Variants in TRABD2B observed in about 807,000 individuals in gnomAD.
TRABD2B encodes TraB domain containing 2B.
Under a neutral mutation model 40.1 loss-of-function variants are expected in TRABD2B, and 14 were observed. That is an observed-to-expected ratio of 0.35 (90% CI 0.23 to 0.55). The LOEUF is 0.55. Among genes scored for constraint, TRABD2B ranks in the 20% least tolerant of loss-of-function variants. The probability of loss-of-function intolerance (pLI) is 0.90; values close to 1 mark genes in which losing one functional copy is unlikely to be tolerated. For missense variants in TRABD2B, 541 were observed against 648.6 expected (o/e 0.83, Z 1.80); for synonymous variants, 263 against 277.0 (o/e 0.95, Z 0.50).
intron 2 of TRABD2B, among the ~76,000 whole-genome samples, chr1:47,866,902 C>T (rs916584026): frequency 6.6e-6 from 1 of 152,192 alleles, no homozygotes; most frequent in Non-Finnish European, 1.5e-5. Flanking sequence ...TTCAAAGGCC[C>T]AGATTTGATT....
At chr1:47,967,555 G>A (rs1195118624) in intron 2 of TRABD2B, among the ~76,000 whole-genome samples, 1 of 152,128 alleles carries the variant, frequency 6.6e-6, no homozygotes, top group Non-Finnish European at 1.5e-5. Flanking sequence ...CTGGTTCTCT[G>A]GCTTTCTAGC....
At position 47,765,264 on chromosome 1, in the gene TRABD2B, C is replaced by T. The variant is rs1222557691; in HGVS notation, c.*638G>A. On this transcript the variant is annotated 3_prime_UTR_variant, in exon 7 of 7. Transcript: ENST00000606738. ...CCAGTATCCCACCTCCCACCCCACC[C>T]CAGCGCTTTGGTTGAAAACACTTAC... is the stretch of plus-strand genomic sequence containing the variant. The T allele has an allele frequency of 6.6e-6, 1 of 152,566 alleles. No homozygotes were observed. Among genetic ancestry groups the T allele is most frequent in the Non-Finnish European group, 1.5e-5 (1 of 68,320 alleles). The allele number at this position is 152,566 out of a possible 1,614,324, so 9.5% of individuals were successfully genotyped here.
rs1004041602 is a variant in TRABD2B at position 47,764,869 on chromosome 1, T to TG, written c.*1032dup. On this transcript the variant is annotated 3_prime_UTR_variant, in exon 7 of 7. Coordinates refer to ENST00000606738, the MANE Select transcript of TRABD2B (RefSeq NM_001194986.2). Reference sequence around the variant, plus strand: ...GGGCTCAGTTTCCTCATCTGTGAAATGGGGATAGTCACATCTCACAGAACT... The same window carrying TG: ...GGGCTCAGTTTCCTCATCTGTGAAATGGGGGATAGTCACATCTCACAGAACT... 2.0e-5 allele frequency: 3 copies of TG among 152,164 alleles called. No individual in the cohort carries two copies. Among genetic ancestry groups the TG allele is most frequent in the African/African-American group, 7.2e-5 (3 of 41,416 alleles). The allele number at this position is 152,164 out of a possible 1,614,324, so 9.4% of individuals were successfully genotyped here. A position where few individuals can be genotyped will look rare whatever the true frequency, so the allele number is the denominator to read the frequency against.
At chr1:47,834,476 C>T (rs1244827235) in intron 2 of TRABD2B, among the ~76,000 whole-genome samples, 1 of 152,114 alleles carries the variant, frequency 6.6e-6, no homozygotes, top group African/African-American at 2.4e-5. Context: ...AAGCTCTCAC[C>T]TCTGCTAACC....
intron 2 of TRABD2B, among the ~76,000 whole-genome samples, chr1:47,961,868 T>C (rs1409107371): frequency 1.3e-5 from 2 of 152,224 alleles, no homozygotes; most frequent in Non-Finnish European, 2.9e-5. Context: ...ACTGGGTATA[T>C]ACCCAAAGGA....
chr1:47,784,917 G>A (rs923263773), intron 4 of TRABD2B, among the ~76,000 whole-genome samples: 1 of 152,214 alleles, frequency 6.6e-6, no homozygotes, highest in Admixed American at 6.5e-5. Context: ...TGGAGAGGGG[G>A]AGATGGGCAG....
intron 2 of TRABD2B, among the ~76,000 whole-genome samples, chr1:47,989,749 A>AAC (rs141660023): frequency 0.25 from 36,839 of 148,986 alleles, 4,470 homozygotes; most frequent in East Asian, 0.27. Context: ...CCACCATTCC[A>AAC]ACACACACAC....
chr1:47,869,903 G>C (rs2124586633), intron 2 of TRABD2B, among the ~76,000 whole-genome samples: 1 of 152,270 alleles, frequency 6.6e-6, no homozygotes, highest in South Asian at 2.1e-4. Context: ...GAGGGTGGTG[G>C]AGGGGGAGAT....
At chr1:47,906,952 G>C (rs1644686900) in intron 2 of TRABD2B, among the ~76,000 whole-genome samples, 2 of 152,238 alleles carry the variant, frequency 1.3e-5, no homozygotes, top group Non-Finnish European at 2.9e-5. Flanking sequence ...TGCCTGCCCA[G>C]TTTCAGCCCC....
In TRABD2B at chr1:47,786,456, G is replaced by C. The variant is rs149321907; in HGVS notation, c.989-7912C>G. Among the ~76,000 whole-genome samples the C allele has an allele frequency of 7.9e-5, 12 of 152,354 alleles. No homozygotes were observed. In the East Asian group the frequency reaches 2.3e-3, roughly 29 times the overall value. On this transcript the variant is annotated intron_variant, in intron 4 of 6. Transcript: ENST00000606738. ...GCTCCAGCTAGGGACAAGCCAGGAG[G>C]GGATGTTCCTCTGGCTGGCTGGATG...
chr1:47,974,324 G>A (rs1222504003), intron 2 of TRABD2B, among the ~76,000 whole-genome samples: 3 of 151,982 alleles, frequency 2.0e-5, no homozygotes, highest in Non-Finnish European at 4.4e-5. Context: ...CTTGGCACGT[G>A]CTGTTCCTTC....
In TRABD2B at chr1:47,850,041, G is replaced by A. The variant is rs567327301; in HGVS notation, c.667-48422C>T. ...TCAAATTCCCCTGCCTTGGGTCTTC[G>A]AGCTACTTGTTTATACAAAAGAAAA... On this transcript the variant is annotated intron_variant, in intron 2 of 6. Coordinates refer to ENST00000606738, the MANE Select transcript of TRABD2B (RefSeq NM_001194986.2). Among the ~76,000 whole-genome samples the A allele has an allele frequency of 3.3e-4, 51 of 152,290 alleles. 1 individual carries two copies. The South Asian group carries it at 0.01, about 30-fold the overall frequency.
At chr1:47,942,873 G>A (rs1208948715) in intron 2 of TRABD2B, among the ~76,000 whole-genome samples, 1 of 152,228 alleles carries the variant, frequency 6.6e-6, no homozygotes, top group East Asian at 1.9e-4. Flanking sequence ...GGCTGGCAAT[G>A]TGAGAGCTCA....
intron 2 of TRABD2B, among the ~76,000 whole-genome samples, chr1:47,843,954 C>G (rs980274940): frequency 2.0e-5 from 3 of 152,126 alleles, no homozygotes; most frequent in African/African-American, 7.2e-5. Flanking sequence ...CGATGGGCAC[C>G]CAGCCCCAGG....
Position 47,765,778 on chromosome 1 carries a change from G to A in TRABD2B, c.*124C>T. 5 of 699,620 alleles carry A rather than the reference G, an allele frequency of 7.1e-6. No individual in the cohort carries two copies. The highest frequency in any genetic ancestry group is 1.3e-5 in the Non-Finnish European group (5 of 383,940). 43.3% of individuals were successfully genotyped at this position (699,620 alleles called of 1,614,324 possible). A position where few individuals can be genotyped will look rare whatever the true frequency, so the allele number is the denominator to read the frequency against. ...GTACAGTAAAGCTCTAGAGTGTCTA[G>A]CCAATCCCATGTGGACTGCCCTCGA... is the stretch of plus-strand genomic sequence containing the variant. On this transcript the variant is annotated 3_prime_UTR_variant, in exon 7 of 7. Transcript: ENST00000606738.
At chr1:47,798,934 G>C (rs1462831379) in intron 3 of TRABD2B, among the ~76,000 whole-genome samples, 2 of 152,186 alleles carry the variant, frequency 1.3e-5, no homozygotes, top group African/African-American at 4.8e-5. Context: ...GGGTTGCCTA[G>C]CCCCTCCTCA....
intron 2 of TRABD2B, among the ~76,000 whole-genome samples, chr1:47,916,538 C>T (rs1644832032): frequency 6.6e-6 from 1 of 152,156 alleles, no homozygotes; most frequent in Admixed American, 6.5e-5. Context: ...GAAGAGGAAG[C>T]ACTTTGCCAA....
At chr1:47,841,286 T>C (rs990599634) in intron 2 of TRABD2B, among the ~76,000 whole-genome samples, 2 of 152,170 alleles carry the variant, frequency 1.3e-5, no homozygotes, top group African/African-American at 4.8e-5. Flanking sequence ...TTGCCTTACC[T>C]GTCTTGTCTC....
At chr1:47,866,111 C>T (rs984564359) in intron 2 of TRABD2B, among the ~76,000 whole-genome samples, 4 of 151,984 alleles carry the variant, frequency 2.6e-5, no homozygotes, top group Admixed American at 6.6e-5. Context: ...CTGCTCTGTG[C>T]GCAAGCAGGA....
Sources: allele counts gnomAD v4.1 joint callset (sites outside exome capture counted in the v4.1 genomes callset), GRCh38; gene constraint gnomAD v4.1.1; transcripts MANE v1.5; gene names NCBI Gene and HGNC (gene_info 2026-07-23, HGNC 2026-07-21).